Variants in SPOPL observed in about 807,000 individuals in gnomAD.
SPOPL encodes the protein speckle-type POZ protein-like.
A neutral mutation model predicts 53.8 loss-of-function variants in SPOPL; 23 were observed. That is an observed-to-expected ratio of 0.43 (90% CI 0.31 to 0.61). SPOPL has a LOEUF of 0.61. Ranked by LOEUF, SPOPL falls within the 20% of genes least tolerant of loss-of-function variation. SPOPL has a pLI of 0.12. For missense variants in SPOPL, 442 were observed against 466.9 expected (o/e 0.95, Z 0.49); for synonymous variants, 164 against 149.7 (o/e 1.10, Z -0.70).
At chr2:138,507,603 A>G (rs1684242002) in intron 1 of SPOPL, among the ~76,000 whole-genome samples, 2 of 152,222 alleles carry the variant, frequency 1.3e-5, no homozygotes, top group South Asian at 4.1e-4. Flanking sequence ...GAGGAGTTTA[A>G]AGAAATGATA....
chr2:138,537,062 G>C (rs750252286), intron 1 of SPOPL, among the ~76,000 whole-genome samples: 41 of 152,222 alleles, frequency 2.7e-4, no homozygotes, highest in Non-Finnish European at 5.7e-4. Context: ...CCACCTTTCC[G>C]GCAGTGACAG....
At chr2:138,511,900 A>C (rs1684332575) in intron 1 of SPOPL, among the ~76,000 whole-genome samples, 1 of 152,206 alleles carries the variant, frequency 6.6e-6, no homozygotes, top group Non-Finnish European at 1.5e-5. Flanking sequence ...GACTTTAGGG[A>C]AGTTACTTAA....
intron 1 of SPOPL, among the ~76,000 whole-genome samples, chr2:138,522,823 T>G (rs148159202): frequency 9.2e-5 from 14 of 152,284 alleles, no homozygotes; most frequent in Non-Finnish European, 1.9e-4. Flanking sequence ...TGGTTTTGAG[T>G]AATTAAAACT....
chr2:138,542,875 G>A lies in SPOPL; in HGVS notation c.-60-7282G>A, dbSNP rs574806723. Among the ~76,000 whole-genome samples, 91 of 152,230 alleles carry A rather than the reference G, an allele frequency of 6.0e-4. 1 individual carries two copies. Among genetic ancestry groups the A allele is most frequent in the African/African-American group, 1.8e-3 (76 of 41,540 alleles). ...GCATGTTTGTGCAGTGGCTGGTACC[G>A]GTTGTTCCTTTCCATGTTTAGCGCT... is the stretch of plus-strand genomic sequence containing the variant. On this transcript the variant is annotated intron_variant, in intron 1 of 10. Transcript: ENST00000280098.
At chr2:138,539,151 G>T (rs1386558066) in intron 1 of SPOPL, among the ~76,000 whole-genome samples, 1 of 152,176 alleles carries the variant, frequency 6.6e-6, no homozygotes, top group Non-Finnish European at 1.5e-5. Context: ...GTCTATCATT[G>T]TTGGACATTT....
intron 5 of SPOPL, among the ~76,000 whole-genome samples, chr2:138,557,668 A>G (rs1171978163): frequency 6.6e-6 from 1 of 152,226 alleles, no homozygotes; most frequent in East Asian, 1.9e-4. Context: ...CTGTGTAACA[A>G]ATGATCCCAA....
intron 1 of SPOPL, among the ~76,000 whole-genome samples, chr2:138,536,864 G>C (rs1684947039): frequency 6.6e-6 from 1 of 152,180 alleles, no homozygotes; most frequent in South Asian, 2.1e-4. Context: ...CCAAGCCCAG[G>C]CTCTGGAGTA....
chr2:138,546,031 G>C (rs1685187938), intron 1 of SPOPL, among the ~76,000 whole-genome samples: 1 of 152,172 alleles, frequency 6.6e-6, no homozygotes, highest in South Asian at 2.1e-4. Flanking sequence ...GACACACCAG[G>C]ATGGTGGGTA....
At chr2:138,552,411 A>T in intron 4 of SPOPL, 143 bp from the exon 5 acceptor site, 2 of 1,037,792 alleles carry the variant, frequency 1.9e-6, no homozygotes, top group Non-Finnish European at 1.3e-6. Context: ...ATGACATTTG[A>T]TTTATAAACA....
chr2:138,555,560 A>G (rs1335546196), intron 5 of SPOPL, among the ~76,000 whole-genome samples: 3 of 152,124 alleles, frequency 2.0e-5, no homozygotes, highest in African/African-American at 7.2e-5. Flanking sequence ...AAAGTTTCTC[A>G]CTTTGGAGCC....
At chr2:138,568,500 A>C (rs16840726) in intron 10 of SPOPL, among the ~76,000 whole-genome samples, 2,682 of 152,310 alleles carry the variant, frequency 0.018, 74 homozygotes, top group African/African-American at 0.062. Flanking sequence ...GCAAATCGGT[A>C]GTTAACATCA....
chr2:138,566,958 A>G (rs958191368), intron 10 of SPOPL, among the ~76,000 whole-genome samples: 1 of 152,220 alleles, frequency 6.6e-6, no homozygotes, highest in Non-Finnish European at 1.5e-5. Flanking sequence ...AGTAGCAAGC[A>G]TTGCAGACAG....
chr2:138,545,982 G>A (rs1413041970), intron 1 of SPOPL, among the ~76,000 whole-genome samples: 1 of 152,176 alleles, frequency 6.6e-6, no homozygotes, highest in Non-Finnish European at 1.5e-5. Flanking sequence ...CAGGATACAG[G>A]TTACTTCTGG....
In SPOPL at chr2:138,550,223, C is replaced by T. The variant is rs752261564; in HGVS notation, c.7C>T (p.Arg3Trp). 8 of 1,613,262 alleles carry T rather than the reference C, an allele frequency of 5.0e-6. No homozygotes were observed. The highest frequency in any genetic ancestry group is 4.5e-5 in the East Asian group (2 of 44,842). The change falls in exon 2 of 11, where the codon CGG (arginine) becomes TGG (tryptophan). Residue 3 changes from arginine to tryptophan, a missense_variant. By Grantham distance (101) the Arg-to-Trp change is moderately radical. Transcript: ENST00000280098. ...AGACTACAATAAAGTGGTGATGTCT[C>T]GGGAACCCACCCCACCTCTACCTGG... The part of the protein sequence containing the change: MS[R>W]EPTPPLPGDM...
chr2:138,560,745 T>C (rs66551604), intron 7 of SPOPL, 60 bp from the exon 8 acceptor site: 188,437 of 1,526,568 alleles, frequency 0.12, 12,678 homozygotes, highest in African/African-American at 0.22. Context: ...AGATTCACTT[T>C]GGTTCATTTG....
chr2:138,542,112 A>G, intron 1 of SPOPL, among the ~76,000 whole-genome samples: 1 of 152,090 alleles, frequency 6.6e-6, no homozygotes, highest in East Asian at 1.9e-4. Flanking sequence ...GTTTGTTATA[A>G]TTTCTGTTCT....
Position 138,555,172 on chromosome 2 carries a change from G to A in SPOPL, c.480+2491G>A, listed in dbSNP as rs570040845. Among the ~76,000 whole-genome samples the A allele has an allele frequency of 7.2e-4, 104 of 145,010 alleles. 1 individual carries two copies. In the East Asian group the frequency reaches 0.016, roughly 22 times the overall value. On this transcript the variant is annotated intron_variant, in intron 5 of 10. Transcript: ENST00000280098. The stretch of plus-strand genomic sequence containing the variant: ...TGTGTGTGTGTGTGTGTGTGTGTGC[G>A]AGCCAGACTCGCTTTAATAAACTCA...
chr2:138,506,864 A>G lies in SPOPL; in HGVS notation c.-61+4745A>G, dbSNP rs149582901. ...GAGGGATGAGATTGCTTAAGGAGAT[A>G]GTATGGAGAAGATAAGGGGTCTTAT... On this transcript the variant is annotated intron_variant, in intron 1 of 10. Transcript: ENST00000280098. Among the ~76,000 whole-genome samples, 834 of 152,334 alleles carry G rather than the reference A, an allele frequency of 5.5e-3. 11 individuals carry two copies. Among genetic ancestry groups the G allele is most frequent in the African/African-American group, 0.019 (791 of 41,568 alleles).
At chr2:138,532,569 G>GCC (rs1477066037) in intron 1 of SPOPL, among the ~76,000 whole-genome samples, 31 of 150,042 alleles carry the variant, frequency 2.1e-4, no homozygotes, top group Non-Finnish European at 4.1e-4. Flanking sequence ...TGGGACTACA[G>GCC]GCGCCTACCA....
Sources: allele counts gnomAD v4.1 joint callset (sites outside exome capture counted in the v4.1 genomes callset), GRCh38; gene constraint gnomAD v4.1.1; transcripts MANE v1.5; gene names NCBI Gene and HGNC (gene_info 2026-07-23, HGNC 2026-07-21).